Variants in IMMP2L observed in about 807,000 individuals in gnomAD.
IMMP2L encodes mitochondrial inner membrane protease subunit 2.
In IMMP2L, 18 loss-of-function variants were observed where a neutral mutation model predicts 19.3. The observed-to-expected ratio is 0.93, with a 90% CI of 0.64 to 1.38. The LOEUF is 1.38. Ranked by LOEUF, IMMP2L falls within the 40% of genes most tolerant of loss-of-function variation. The pLI, the probability that IMMP2L is intolerant of heterozygous loss-of-function variation, is 0.00. For missense variants in IMMP2L, 233 were observed against 218.2 expected, an observed-to-expected ratio of 1.07 and a Z score of -0.43; for synonymous variants, 76 against 73.0, an observed-to-expected ratio of 1.04 and a Z score of -0.21.
At chr7:110,957,807 T>G in intron 4 of IMMP2L, among the ~76,000 whole-genome samples, 1 of 151,960 alleles carries the variant, frequency 6.6e-6, no homozygotes, top group East Asian at 1.9e-4. Context: ...ATCTTTTTGT[T>G]ACAGAAGTTT....
intron 4 of IMMP2L, chr7:110,962,670 T>C (rs900072757): frequency 5.1e-6 from 5 of 971,408 alleles, no homozygotes; most frequent in Non-Finnish European, 4.9e-6. Flanking sequence ...TGGGATCCTC[T>C]GGCCATGCTG....
chr7:110,863,459 T>C (rs2190527), intron 5 of IMMP2L, among the ~76,000 whole-genome samples: 89,054 of 151,498 alleles, frequency 0.59, 27,481 homozygotes, highest in East Asian at 0.84. Flanking sequence ...CCCTAACTTA[T>C]AAAGGTTTGA....
chr7:111,108,044 GT>G (rs990334349), intron 3 of IMMP2L, among the ~76,000 whole-genome samples: 2 of 151,922 alleles, frequency 1.3e-5, no homozygotes, highest in Non-Finnish European at 1.5e-5. Context: ...TACTGTTTTT[GT>G]TTTTATTGTT....
At chr7:111,191,932 G>A (rs1242302758) in intron 3 of IMMP2L, among the ~76,000 whole-genome samples, 2 of 152,012 alleles carry the variant, frequency 1.3e-5, no homozygotes, top group African/African-American at 4.8e-5. Context: ...GAGAGAGCTT[G>A]TTGACAAGCA....
rs942328580 is a variant in IMMP2L, at chr7:110,877,873, G to C, written c.408+8720C>G. On this transcript the variant is annotated intron_variant, in intron 5 of 5. Transcript: ENST00000405709. This position sits in a 1 kb window ranked among gnomAD's most constrained non-coding sequence, Gnocchi z 4.0. ...AAAAACTAACACCATTAAGGACCCA[G>C]ACATATGTTTTTCCATATATTTTAT... Among the ~76,000 whole-genome samples, 6 of 152,004 alleles carry C rather than the reference G, an allele frequency of 3.9e-5. No individual in the cohort carries two copies. Among genetic ancestry groups the C allele is most frequent in the African/African-American group, 1.2e-4 (5 of 41,382 alleles).
chr7:111,448,460 T>G (rs1409097133), intron 3 of IMMP2L, among the ~76,000 whole-genome samples: 2 of 149,372 alleles, frequency 1.3e-5, no homozygotes, highest in Non-Finnish European at 3.0e-5. Context: ...GAATGACTAC[T>G]GGGTACATAA....
chr7:110,666,931 G>A (rs1791499759), intron 5 of IMMP2L, among the ~76,000 whole-genome samples: 1 of 152,068 alleles, frequency 6.6e-6, no homozygotes, highest in African/African-American at 2.4e-5. Flanking sequence ...GAGTGCAGTG[G>A]CATGATCTTG....
In IMMP2L at chr7:111,156,259, T is replaced by C. The variant is rs73714678; in HGVS notation, c.240-192694A>G. Among the ~76,000 whole-genome samples, 524 of 152,192 alleles carry C rather than the reference T, an allele frequency of 3.4e-3. 5 individuals are homozygous for C. Among genetic ancestry groups the C allele is most frequent in the African/African-American group, 0.012 (500 of 41,510 alleles). On this transcript the variant is annotated intron_variant, in intron 3 of 5. Coordinates refer to ENST00000405709, the MANE Select transcript of IMMP2L (RefSeq NM_032549.4). ...TCATAGGAGATGCTTAAGTTCAGCT[T>C]TAGACTAGGCTGTCAACAGTTTTTC...
At chr7:111,388,925 T>C (rs1207342827) in intron 3 of IMMP2L, among the ~76,000 whole-genome samples, 1 of 152,054 alleles carries the variant, frequency 6.6e-6, no homozygotes, top group African/African-American at 2.4e-5. Context: ...ATACATATAA[T>C]GTGCAAATCT....
At chr7:111,049,855 A>C (rs1792835838) in intron 3 of IMMP2L, among the ~76,000 whole-genome samples, 1 of 152,194 alleles carries the variant, frequency 6.6e-6, no homozygotes, top group South Asian at 2.1e-4. Flanking sequence ...TTTAGGGGAA[A>C]TTAACTGCTG....
rs192192522 is a variant in IMMP2L, at chr7:111,172,250, C to T, written c.240-208685G>A. Among the ~76,000 whole-genome samples, 252 of 151,208 alleles carry T rather than the reference C, an allele frequency of 1.7e-3. 1 individual carries two copies. The highest frequency in any genetic ancestry group is 5.4e-3 in the African/African-American group (224 of 41,316). On this transcript the variant is annotated intron_variant, in intron 3 of 5. Transcript: ENST00000405709. The stretch of plus-strand genomic sequence containing the variant: ...GACTGCACTCAACATTGAGTGCTTT[C>T]GAGACATAAGAAAGGAAACTTAGGA...
At chr7:111,369,416 C>CA (rs138319486) in intron 3 of IMMP2L, among the ~76,000 whole-genome samples, 1,612 of 151,928 alleles carry the variant, frequency 0.011, 31 homozygotes, top group African/African-American at 0.036. Context: ...GGAATATATT[C>CA]ATAATAGTAC....
intron 4 of IMMP2L, among the ~76,000 whole-genome samples, chr7:110,951,643 A>C (rs75026396): frequency 0.014 from 2,153 of 152,130 alleles, 48 homozygotes; most frequent in African/African-American, 0.049. Context: ...ATACAAATAC[A>C]TCAAACTCAG....
chr7:111,006,850 C>T (rs949684007), intron 3 of IMMP2L, among the ~76,000 whole-genome samples: 2 of 152,182 alleles, frequency 1.3e-5, no homozygotes, highest in Non-Finnish European at 2.9e-5. Context: ...CCATCACTGA[C>T]TTCATCAGTT....
At chr7:111,484,949 G>C (rs561950048) in intron 3 of IMMP2L, among the ~76,000 whole-genome samples, 1 of 151,828 alleles carries the variant, frequency 6.6e-6, no homozygotes, top group Non-Finnish European at 1.5e-5. Flanking sequence ...CACCAAACCC[G>C]GCTAATTTTT....
intron 3 of IMMP2L, among the ~76,000 whole-genome samples, chr7:111,475,296 T>G (rs1841621591): frequency 1.3e-5 from 2 of 152,142 alleles, no homozygotes; most frequent in Admixed American, 6.6e-5. Context: ...AATACTTTCC[T>G]GAGCTCCAAG....
chr7:110,665,287 T>A (rs1413738508), intron 5 of IMMP2L, among the ~76,000 whole-genome samples: 1 of 152,226 alleles, frequency 6.6e-6, no homozygotes, highest in Non-Finnish European at 1.5e-5. Context: ...TGTACATATA[T>A]GAGACATGTA....
Position 110,758,509 on chromosome 7 carries a change from G to A in IMMP2L, c.409-94788C>T, listed in dbSNP as rs1171839583. On this transcript the variant is annotated intron_variant, in intron 5 of 5. Transcript: ENST00000405709. The surrounding 1 kb of genome is among the most constrained non-coding windows in gnomAD (Gnocchi z 4.6). Reference sequence around the variant, plus strand: ...AAGCCATGTCCTTGTAGGTGAAAGGGGATGAGTCTAGTAAATAAGTAGAGT... The same window carrying A: ...AAGCCATGTCCTTGTAGGTGAAAGGAGATGAGTCTAGTAAATAAGTAGAGT... Among the ~76,000 whole-genome samples, 1 of 152,066 alleles carries A rather than the reference G, an allele frequency of 6.6e-6. No individual in the cohort carries two copies.
chr7:110,946,716 AC>A (rs965399832), intron 4 of IMMP2L, among the ~76,000 whole-genome samples: 6 of 110,958 alleles, frequency 5.4e-5, no homozygotes, highest in East Asian at 2.2e-4. Context: ...AACATTTAAT[AC>A]CTTTTTTTTT....
Sources: gnomAD v4.1 joint callset for allele counts (sites outside exome capture counted in the v4.1 genomes callset) on GRCh38, gnomAD v4.1.1 for gene constraint, Gnocchi (gnomAD v3.1) non-coding constraint, MANE v1.5 for transcripts, NCBI Gene and HGNC (gene_info 2026-07-23, HGNC 2026-07-21) for gene names.